Variants in RORA observed in about 807,000 individuals in gnomAD.
The protein encoded by RORA is RAR related orphan receptor A, also known as nuclear receptor ROR-alpha.
In RORA, 7 loss-of-function variants were observed where a neutral mutation model predicts 69.5. The observed-to-expected ratio is 0.10, with a 90% confidence interval of 0.06 to 0.19. The LOEUF is 0.19. RORA is among the 10% of genes least tolerant of loss of function. The pLI is 1.00. For synonymous variants in RORA, 261 were observed against 240.8 expected, an observed-to-expected ratio of 1.08 and a Z score of -0.78; for missense variants, 457 against 663.0, an observed-to-expected ratio of 0.69 and a Z score of 3.41.
intron 1 of RORA, among the ~76,000 whole-genome samples, chr15:60,820,512 G>T (rs924125390): frequency 6.6e-6 from 1 of 152,082 alleles, no homozygotes; most frequent in East Asian, 1.9e-4. Context: ...GGCCTGCATT[G>T]CGTGAAGAAG....
At chr15:61,024,605 C>T (rs899242147) in intron 1 of RORA, among the ~76,000 whole-genome samples, 1 of 151,974 alleles carries the variant, frequency 6.6e-6, no homozygotes, top group Admixed American at 6.6e-5. Context: ...CATGCACCAC[C>T]ACGCCCAGCT....
intron 1 of RORA, among the ~76,000 whole-genome samples, chr15:60,947,398 C>A (rs1473229410): frequency 6.6e-6 from 1 of 152,092 alleles, no homozygotes; most frequent in Non-Finnish European, 1.5e-5. Flanking sequence ...TTACCCCCAA[C>A]CCGGTGCTCT....
intron 3 of RORA, among the ~76,000 whole-genome samples, chr15:60,518,947 A>G (rs1311530475): frequency 6.6e-6 from 1 of 152,226 alleles, no homozygotes; most frequent in Non-Finnish European, 1.5e-5. Flanking sequence ...GAATATTAAG[A>G]TATTTTGAGA....
chr15:60,939,609 G>T (rs537499999), intron 1 of RORA, among the ~76,000 whole-genome samples: 28 of 152,328 alleles, frequency 1.8e-4, no homozygotes, highest in African/African-American at 6.5e-4. Context: ...CAGGGCGGCC[G>T]TGTCGGCCAT....
intron 2 of RORA, among the ~76,000 whole-genome samples, chr15:60,639,394 C>A (rs2069900905): frequency 6.6e-6 from 1 of 152,092 alleles, no homozygotes; most frequent in African/African-American, 2.4e-5. Context: ...TCAACGGGAC[C>A]AGTGTCTCCC....
In RORA at chr15:61,095,934, C is replaced by T. The variant is rs62005657; in HGVS notation, c.166+133119G>A. On this transcript the variant is annotated intron_variant, in intron 1 of 10. Coordinates refer to ENST00000335670, the MANE Select transcript of RORA (RefSeq NM_134261.3). ...CTGGTCCTCAGAATGATGAGATGGC[C>T]CCTGAAGGATCTGGACTGCTACTTC... 4.4e-3 allele frequency among the ~76,000 whole-genome samples: 674 copies of T among 152,276 alleles called. 3 individuals are homozygous for T. The highest frequency in any genetic ancestry group is 0.024 in the Middle Eastern group (7 of 292).
intron 1 of RORA, among the ~76,000 whole-genome samples, chr15:60,720,331 C>A (rs2071277024): frequency 6.6e-6 from 1 of 152,258 alleles, no homozygotes; most frequent in East Asian, 1.9e-4. Context: ...AGACGGCATG[C>A]GAGAGTCCTA....
chr15:60,938,727 C>T (rs577332016), intron 1 of RORA, among the ~76,000 whole-genome samples: 1 of 112,798 alleles, frequency 8.9e-6, no homozygotes, highest in African/African-American at 3.8e-5. Context: ...ACAGTGAGAC[C>T]TCATCTAAAA....
In RORA at chr15:60,826,789, C is replaced by CTT. The variant is rs71904757; in HGVS notation, c.167-148105_167-148104dup. Among the ~76,000 whole-genome samples, 32 of 99,350 alleles carry CTT rather than the reference C, an allele frequency of 3.2e-4. 1 individual carries two copies. Among genetic ancestry groups the CTT allele is most frequent in the African/African-American group, 1.1e-3 (31 of 28,554 alleles). The allele number at this position is 99,350 out of a possible 152,430, so 65.2% of individuals were successfully genotyped here. A position where few individuals can be genotyped will look rare whatever the true frequency, so the allele number is the denominator to read the frequency against. The stretch of plus-strand genomic sequence containing the variant: ...TCCCTCTCTCTCTCTCTCTCTCTCT[C>CTT]TTTTTTTTTTAAAGACACACCTGTT... On this transcript the variant is annotated intron_variant, in intron 1 of 10. Coordinates refer to ENST00000335670, the MANE Select transcript of RORA (RefSeq NM_134261.3).
chr15:61,162,025 A>C (rs947416821), intron 1 of RORA, among the ~76,000 whole-genome samples: 1 of 152,238 alleles, frequency 6.6e-6, no homozygotes, highest in Non-Finnish European at 1.5e-5. Context: ...ATGTAGATAT[A>C]TACACACGTT....
At position 61,009,577 on chromosome 15, in the gene RORA, C is replaced by T. The variant is rs557312578; in HGVS notation, c.166+219476G>A. 6.9e-4 allele frequency among the ~76,000 whole-genome samples: 105 copies of T among 152,326 alleles called. 2 individuals carry two copies. The South Asian group carries it at 0.021, about 30-fold the overall frequency. ...TTTAATTTTAATTCAGATAGATCGT[C>T]TTAATGAAGCTGTTAACAACAGTGA... On this transcript the variant is annotated intron_variant, in intron 1 of 10. Coordinates refer to ENST00000335670, the MANE Select transcript of RORA (RefSeq NM_134261.3).
intron 1 of RORA, among the ~76,000 whole-genome samples, chr15:61,189,398 A>C (rs1405763658): frequency 1.3e-5 from 2 of 152,118 alleles, no homozygotes; most frequent in Non-Finnish European, 2.9e-5. Context: ...CTTGTTTTTG[A>C]GAGGATCTTC....
intron 2 of RORA, among the ~76,000 whole-genome samples, chr15:60,635,699 G>A (rs1357077958): frequency 1.3e-5 from 2 of 152,134 alleles, no homozygotes; most frequent in Admixed American, 6.5e-5. Context: ...GTGGCATTCC[G>A]GAAATGAATC....
At chr15:60,592,617 C>A in intron 2 of RORA, 1 of 1,167,158 alleles carries the variant, frequency 8.6e-7, no homozygotes. Flanking sequence ...CGCGCCCCTC[C>A]GCTTCCTCCC....
intron 1 of RORA, among the ~76,000 whole-genome samples, chr15:60,702,335 G>C (rs995984293): frequency 1.3e-5 from 2 of 152,154 alleles, no homozygotes; most frequent in African/African-American, 2.4e-5. Context: ...GGGTTGATGC[G>C]ATTCTCCTGC....
chr15:60,712,015 G>T (rs2071150670), intron 1 of RORA, among the ~76,000 whole-genome samples: 1 of 152,194 alleles, frequency 6.6e-6, no homozygotes, highest in Admixed American at 6.5e-5. Context: ...ATAATACACA[G>T]ATTTTTTTAA....
intron 1 of RORA, among the ~76,000 whole-genome samples, chr15:61,212,298 AT>A (rs2080000158): frequency 6.6e-6 from 1 of 152,068 alleles, no homozygotes; most frequent in Non-Finnish European, 1.5e-5. Context: ...TCAGTTAGGC[AT>A]GTTGGGAGAG....
At chr15:60,719,390 C>G (rs570021506) in intron 1 of RORA, among the ~76,000 whole-genome samples, 1 of 152,114 alleles carries the variant, frequency 6.6e-6, no homozygotes, top group Non-Finnish European at 1.5e-5. Flanking sequence ...GATGGGTTCA[C>G]TGGAGCACTG....
At chr15:61,074,029 C>T (rs1283694850) in intron 1 of RORA, among the ~76,000 whole-genome samples, 1 of 152,144 alleles carries the variant, frequency 6.6e-6, no homozygotes, top group African/African-American at 2.4e-5. Context: ...CACTGGTGGG[C>T]TTCAGTGGTT....
Sources: allele counts gnomAD v4.1 joint callset (sites outside exome capture counted in the v4.1 genomes callset), GRCh38; gene constraint gnomAD v4.1.1; transcripts MANE v1.5; gene names NCBI Gene and HGNC (gene_info 2026-07-23, HGNC 2026-07-21).